Variants in SORCS2 observed in about 807,000 individuals in gnomAD.
SORCS2 encodes sortilin related VPS10 domain containing receptor 2, also known as VPS10 domain-containing receptor SorCS2.
In SORCS2, 100 loss-of-function variants were observed where a neutral mutation model predicts 141.6. That is an observed-to-expected ratio of 0.71 (90% CI 0.60 to 0.83). The LOEUF (loss-of-function observed/expected upper bound fraction) is 0.83. SORCS2 is among the 40% of genes least tolerant of loss of function. The pLI is 0.00. For synonymous variants in SORCS2, 789 were observed against 676.9 expected (o/e 1.17, Z -2.57); for missense variants, 1,646 against 1,560.2 (o/e 1.05, Z -0.93).
intron 1 of SORCS2, among the ~76,000 whole-genome samples, chr4:7,388,743 G>A (rs1040069613): frequency 1.3e-5 from 2 of 152,270 alleles, no homozygotes; most frequent in Middle Eastern, 3.4e-3. Context: ...GTAAGAGTGG[G>A]CACGGGAGAT....
chr4:7,422,730 G>A (rs969579177), intron 2 of SORCS2, among the ~76,000 whole-genome samples: 6 of 152,176 alleles, frequency 3.9e-5, no homozygotes, highest in East Asian at 1.9e-4. Flanking sequence ...CTGTGGCACC[G>A]CCGTCTCTCG....
chr4:7,285,288 C>T (rs1427063820), intron 1 of SORCS2, among the ~76,000 whole-genome samples: 1 of 152,212 alleles, frequency 6.6e-6, no homozygotes, highest in Non-Finnish European at 1.5e-5. Flanking sequence ...CCACCTCGGC[C>T]TCCCAAATTG....
chr4:7,468,686 C>A (rs753439630), intron 2 of SORCS2, among the ~76,000 whole-genome samples: 5 of 152,222 alleles, frequency 3.3e-5, no homozygotes, highest in Non-Finnish European at 5.9e-5. Flanking sequence ...AAGGCACTCT[C>A]TAGTCCCAGC....
intron 3 of SORCS2, among the ~76,000 whole-genome samples, chr4:7,619,112 A>G (rs1376914078): frequency 6.6e-6 from 1 of 152,202 alleles, no homozygotes; most frequent in African/African-American, 2.4e-5. Context: ...TGAGCCTCTC[A>G]GAGCTCCAGG....
chr4:7,737,457 G>A (rs181866991), intron 26 of SORCS2, among the ~76,000 whole-genome samples: 90 of 152,238 alleles, frequency 5.9e-4, no homozygotes, highest in African/African-American at 2.1e-3. Context: ...CCCCATCAAG[G>A]CAGGGAAAGG....
At chr4:7,359,552 G>T (rs3894739) in intron 1 of SORCS2, among the ~76,000 whole-genome samples, 72,768 of 151,970 alleles carry the variant, frequency 0.48, 18,367 homozygotes, top group Non-Finnish European at 0.57. Context: ...CTGGGCCGAC[G>T]TCCTTGTCTG....
intron 3 of SORCS2, among the ~76,000 whole-genome samples, chr4:7,571,743 C>G (rs1272560046): frequency 1.3e-5 from 2 of 152,168 alleles, no homozygotes; most frequent in African/African-American, 4.8e-5. Context: ...CCAGCAGCTT[C>G]AAAGCCTCAG....
At chr4:7,238,300 T>G (rs28451130) in intron 1 of SORCS2, among the ~76,000 whole-genome samples, 4 of 151,860 alleles carry the variant, frequency 2.6e-5, no homozygotes, top group Non-Finnish European at 5.9e-5. Context: ...TGGGGGGGGT[T>G]GCTGGTACTG....
chr4:7,339,135 C>CA (rs2108985347), intron 1 of SORCS2, among the ~76,000 whole-genome samples: 1 of 152,330 alleles, frequency 6.6e-6, no homozygotes, highest in East Asian at 1.9e-4. Context: ...AGGGTGGGGA[C>CA]AGGAGGGCTG....
At chr4:7,227,115 G>A (rs953292733) in intron 1 of SORCS2, among the ~76,000 whole-genome samples, 1 of 152,162 alleles carries the variant, frequency 6.6e-6, no homozygotes, top group Non-Finnish European at 1.5e-5. Flanking sequence ...TTATGCACTT[G>A]TGCGTGCTCA....
At chr4:7,596,529 G>A (rs1465092489) in intron 3 of SORCS2, among the ~76,000 whole-genome samples, 1 of 152,170 alleles carries the variant, frequency 6.6e-6, no homozygotes, top group East Asian at 1.9e-4. Context: ...TGGGCTAGAA[G>A]AAACTGTTCT....
At chr4:7,543,692 CCACCCA>C (rs1712926700) in intron 3 of SORCS2, among the ~76,000 whole-genome samples, 1 of 80,358 alleles carries the variant, frequency 1.2e-5, no homozygotes, top group Non-Finnish European at 2.9e-5. Context: ...ATCCACCCAT[CCACCCA>C]TCCATCCATC....
At chr4:7,207,023 A>G (rs1252309963) in intron 1 of SORCS2, among the ~76,000 whole-genome samples, 1 of 152,040 alleles carries the variant, frequency 6.6e-6, no homozygotes, top group East Asian at 1.9e-4. Context: ...TCATCCATCT[A>G]TCTACAAACC....
At chr4:7,726,675 C>T (rs1727239666) in intron 20 of SORCS2, 105 bp from the exon 21 acceptor site, 1 of 1,464,310 alleles carries the variant, frequency 6.8e-7, no homozygotes, top group African/African-American at 1.4e-5. Flanking sequence ...CTGATGGGAA[C>T]AAGGGGACAG....
intron 2 of SORCS2, among the ~76,000 whole-genome samples, chr4:7,524,781 C>A: frequency 6.6e-6 from 1 of 152,024 alleles, no homozygotes. Context: ...GGTGGTCCCC[C>A]TCCCCACCCC....
intron 1 of SORCS2, among the ~76,000 whole-genome samples, chr4:7,392,441 A>G (rs76435074): frequency 0.036 from 5,501 of 152,200 alleles, 253 homozygotes; most frequent in East Asian, 0.16. Context: ...ATGCTCATTC[A>G]TGTCCTCATG....
At chr4:7,379,104 G>T (rs1722831943) in intron 1 of SORCS2, among the ~76,000 whole-genome samples, 1 of 152,204 alleles carries the variant, frequency 6.6e-6, no homozygotes, top group Non-Finnish European at 1.5e-5. Context: ...TTGCCTCCTA[G>T]ATCCTGTGCT....
rs551517989 is a variant in SORCS2, at chr4:7,723,744, C to T, written c.2472C>T (p.Phe824=). ...ACCAGGTAGACCTTGGGGACGGCTT[C>T]AAGGCCATGTACGTGAACCTTACAC... ...TKYQVDLGDG[F]KAMYVNLTLT... is the part of the protein sequence containing the mutation. The change falls in exon 19 of 27, where the codon TTC becomes TTT. Residue 824 remains phenylalanine (F), a synonymous_variant. Coordinates refer to ENST00000507866, the MANE Select transcript of SORCS2 (RefSeq NM_020777.3). 1.2e-6 allele frequency: 2 copies of T among 1,614,022 alleles called. No individual in the cohort carries two copies. Among genetic ancestry groups the T allele is most frequent in the African/African-American group, 1.3e-5 (1 of 75,064 alleles).
At position 7,386,327 on chromosome 4, in the gene SORCS2, T is replaced by C. The variant is rs372983514; in HGVS notation, c.481-9961T>C. ...ATACACATTTGCACACACGCACACA[T>C]ATGCCCACCATACACATGAACACAT... On this transcript the variant is annotated intron_variant, in intron 1 of 26. Coordinates refer to ENST00000507866, the MANE Select transcript of SORCS2 (RefSeq NM_020777.3). Among the ~76,000 whole-genome samples the C allele has an allele frequency of 6.0e-3, 449 of 75,376 alleles. 49 individuals carry two copies. The highest frequency in any genetic ancestry group is 0.024 in the African/African-American group (403 of 16,828). The allele number at this position is 75,376 out of a possible 152,430, so 49.4% of individuals were successfully genotyped here.
Sources: gnomAD v4.1 joint callset for allele counts (sites outside exome capture counted in the v4.1 genomes callset) on GRCh38, gnomAD v4.1.1 for gene constraint, MANE v1.5 for transcripts, NCBI Gene and HGNC (gene_info 2026-07-23, HGNC 2026-07-21) for gene names.